Variants in MARCHF8 observed in about 807,000 individuals in gnomAD.
MARCHF8 encodes membrane associated ring-CH-type finger 8.
Under a neutral mutation model 51.6 loss-of-function variants are expected in MARCHF8, and 40 were observed. That is an observed-to-expected ratio of 0.77 (90% CI 0.60 to 1.01). MARCHF8 has a LOEUF of 1.01. MARCHF8 is among the 50% of genes least tolerant of loss of function. The pLI is 0.00. For missense variants in MARCHF8, 685 were observed against 708.6 expected, an observed-to-expected ratio of 0.97 and a Z score of 0.38; for synonymous variants, 263 against 280.3, an observed-to-expected ratio of 0.94 and a Z score of 0.62.
At chr10:45,549,409 G>T (rs76879426) in intron 1 of MARCHF8, among the ~76,000 whole-genome samples, 1 of 152,156 alleles carries the variant, frequency 6.6e-6, no homozygotes, top group African/African-American at 2.4e-5. Flanking sequence ...AGGCTGCTTC[G>T]CTGGGCTCAG....
chr10:45,553,762 T>C (rs1272953631), intron 1 of MARCHF8, among the ~76,000 whole-genome samples: 1 of 152,104 alleles, frequency 6.6e-6, no homozygotes, highest in Non-Finnish European at 1.5e-5. Flanking sequence ...AAATTATACA[T>C]AGTGTGCTAC....
chr10:45,543,091 G>A (rs754669580), intron 1 of MARCHF8, among the ~76,000 whole-genome samples: 2 of 152,164 alleles, frequency 1.3e-5, no homozygotes, highest in East Asian at 1.9e-4. Context: ...TCTATATTAA[G>A]CCTAAAAATT....
At chr10:45,493,793 A>C (rs1383277719) in intron 2 of MARCHF8, among the ~76,000 whole-genome samples, 1 of 152,162 alleles carries the variant, frequency 6.6e-6, no homozygotes, top group African/African-American at 2.4e-5. Flanking sequence ...GTTTGTTTTT[A>C]AGACAGGGTT....
chr10:45,470,974 G>A (rs901683), intron 3 of MARCHF8, among the ~76,000 whole-genome samples: 9,426 of 152,244 alleles, frequency 0.062, 330 homozygotes, highest in Non-Finnish European at 0.067. Context: ...CCATTCTGTG[G>A]CTTTTCTGTG....
chr10:45,489,192 C>T (rs1374501603), intron 3 of MARCHF8, among the ~76,000 whole-genome samples, 175 bp downstream of exon 3: 1 of 151,836 alleles, frequency 6.6e-6, no homozygotes, highest in East Asian at 1.9e-4. Flanking sequence ...CTCAAAATTG[C>T]CTTACCAGAA....
intron 5 of MARCHF8, 114 bp from the exon 6 acceptor site, chr10:45,461,525 T>C: frequency 2.5e-6 from 2 of 815,294 alleles, no homozygotes; most frequent in Non-Finnish European, 1.7e-6. Context: ...ATTACAGAAG[T>C]GACTATGGGC....
intron 2 of MARCHF8, among the ~76,000 whole-genome samples, chr10:45,513,160 C>T (rs539315784): frequency 6.6e-6 from 1 of 151,512 alleles, no homozygotes; most frequent in African/African-American, 2.4e-5. Context: ...GACCTTCCCT[C>T]CACTATTGTC....
chr10:45,503,533 T>C (rs1482530837), intron 2 of MARCHF8, among the ~76,000 whole-genome samples: 1 of 97,470 alleles, frequency 1.0e-5, no homozygotes, highest in South Asian at 3.0e-4. Context: ...CGAGACTCCG[T>C]CTCAAATAAA....
chr10:45,593,378 A>C (rs1481254468), intron 1 of MARCHF8: 1 of 151,808 alleles, frequency 6.6e-6, no homozygotes, highest in Admixed American at 6.6e-5. Flanking sequence ...TTATATTTTC[A>C]CTCACCATAT....
chr10:45,525,726 T>G (rs1348292725), intron 2 of MARCHF8, among the ~76,000 whole-genome samples: 2 of 152,218 alleles, frequency 1.3e-5, no homozygotes, highest in Non-Finnish European at 2.9e-5. Flanking sequence ...CGATCTGTTG[T>G]GATGAACTGG....
intron 1 of MARCHF8, among the ~76,000 whole-genome samples, chr10:45,579,693 C>T (rs1374905998): frequency 6.6e-6 from 1 of 151,980 alleles, no homozygotes; most frequent in East Asian, 1.9e-4. Context: ...GAAAGCAGTT[C>T]AGCAATATGA....
At chr10:45,551,758 A>G (rs761171568) in intron 1 of MARCHF8, among the ~76,000 whole-genome samples, 17 of 152,020 alleles carry the variant, frequency 1.1e-4, no homozygotes, top group Non-Finnish European at 2.1e-4. Context: ...TAGTCTCCAC[A>G]ATCATATGAA....
At chr10:45,494,443 A>C (rs1158681050) in intron 2 of MARCHF8, among the ~76,000 whole-genome samples, 1 of 152,168 alleles carries the variant, frequency 6.6e-6, no homozygotes, top group African/African-American at 2.4e-5. Context: ...CTTAAAAAAA[A>C]AGACAAAATA....
chr10:45,505,624 A>T (rs2043365694), intron 2 of MARCHF8, among the ~76,000 whole-genome samples: 1 of 152,218 alleles, frequency 6.6e-6, no homozygotes, highest in Non-Finnish European at 1.5e-5. Flanking sequence ...AGCCATCTGG[A>T]GCTACAGGTG....
chr10:45,542,704 C>T (rs938624680), intron 1 of MARCHF8, among the ~76,000 whole-genome samples: 2 of 152,030 alleles, frequency 1.3e-5, no homozygotes, highest in Non-Finnish European at 2.9e-5. Context: ...TTTTAGTACA[C>T]GTATTACTTT....
chr10:45,492,931 A>G (rs1371250019), intron 2 of MARCHF8, among the ~76,000 whole-genome samples: 1 of 152,232 alleles, frequency 6.6e-6, no homozygotes, highest in Non-Finnish European at 1.5e-5. Flanking sequence ...AGAATTCAAA[A>G]TCTGAAAGGT....
rs184398067 is a variant in MARCHF8, at chr10:45,496,599, C to G, written c.103-7182G>C. On this transcript the variant is annotated intron_variant, in intron 2 of 7. Coordinates refer to ENST00000453424, the MANE Select transcript of MARCHF8 (RefSeq NM_001282866.2). Reference sequence around the variant, plus strand: ...TATAATGCTCTCCTTTCCTTTATGTCTTTAAAAGACAGTTAAATAAACTAA... The same window carrying G: ...TATAATGCTCTCCTTTCCTTTATGTGTTTAAAAGACAGTTAAATAAACTAA... Among the ~76,000 whole-genome samples the G allele has an allele frequency of 1.3e-3, 201 of 152,068 alleles. 1 individual carries two copies. Among genetic ancestry groups the G allele is most frequent in the African/African-American group, 4.4e-3 (181 of 41,524 alleles).
At chr10:45,568,331 G>A (rs1231481594) in intron 1 of MARCHF8, among the ~76,000 whole-genome samples, 2 of 152,138 alleles carry the variant, frequency 1.3e-5, no homozygotes, top group Non-Finnish European at 2.9e-5. Flanking sequence ...GTGACAGTGG[G>A]CATCCTTGTC....
intron 3 of MARCHF8, among the ~76,000 whole-genome samples, chr10:45,474,194 CCTT>C (rs1250019964): frequency 6.6e-6 from 1 of 152,216 alleles, no homozygotes; most frequent in Non-Finnish European, 1.5e-5. Context: ...TGCATGGCCT[CCTT>C]GTCTCCATGT....
Sources: allele counts gnomAD v4.1 joint callset (sites outside exome capture counted in the v4.1 genomes callset), GRCh38; gene constraint gnomAD v4.1.1; transcripts MANE v1.5; gene names NCBI Gene and HGNC (gene_info 2026-07-23, HGNC 2026-07-21).